Variants in METTL15 observed in about 807,000 individuals in gnomAD.
METTL15 encodes the protein methyltransferase 15, mitochondrial 12S rRNA N4-cytidine.
Under a neutral mutation model 38.3 loss-of-function variants are expected in METTL15, and 34 were observed. The observed-to-expected ratio is 0.89, with a 90% confidence interval of 0.68 to 1.18. The LOEUF (loss-of-function observed/expected upper bound fraction) is 1.18, where lower values mean the gene tolerates loss of function less well. Ranked by LOEUF, METTL15 falls within the 50% of genes most tolerant of loss-of-function variation. The pLI, the probability that METTL15 is intolerant of heterozygous loss-of-function variation, is 0.00. For synonymous variants in METTL15, 162 were observed against 170.9 expected (o/e 0.95, Z 0.41); for missense variants, 438 against 498.4 (o/e 0.88, Z 1.15).
intron 3 of METTL15, chr11:28,122,126 G>C: frequency 8.2e-7 from 1 of 1,216,258 alleles, no homozygotes; most frequent in Non-Finnish European, 1.1e-6. Context: ...ATCAAGTTTA[G>C]AAATTCCTCT....
At chr11:28,273,265 G>A (rs1855716625) in intron 4 of METTL15, among the ~76,000 whole-genome samples, 2 of 151,982 alleles carry the variant, frequency 1.3e-5, no homozygotes, top group Non-Finnish European at 2.9e-5. Flanking sequence ...TTGTATTTAG[G>A]ATATTATTTC....
chr11:28,369,855 T>A (rs991894586), intron 5 of METTL15, among the ~76,000 whole-genome samples: 2 of 152,128 alleles, frequency 1.3e-5, no homozygotes, highest in African/African-American at 4.8e-5. Flanking sequence ...TAAAGATCTC[T>A]GGTAAAGGTA....
downstream of METTL15, among the ~76,000 whole-genome samples, chr11:28,529,878 T>C (rs1021324413): frequency 6.6e-6 from 1 of 152,120 alleles, no homozygotes; most frequent in South Asian, 2.1e-4. Flanking sequence ...AATGTCCTCA[T>C]TGAACTTCTG....
chr11:28,455,215 G>A lies in METTL15; in HGVS notation c.*424+30851G>A, dbSNP rs531709051. On this transcript the variant is annotated intron_variant and NMD_transcript_variant, in intron 6 of 7. Coordinates refer to the METTL15 transcript ENST00000532947. Reference sequence around the variant, plus strand: ...ACTCAATAACACATGGGATCAGCTAGCTTTTTTTTTTTTTTTTTTTTTTTT... The same window carrying A: ...ACTCAATAACACATGGGATCAGCTAACTTTTTTTTTTTTTTTTTTTTTTTT... Among the ~76,000 whole-genome samples, 3 of 119,114 alleles carry A rather than the reference G, an allele frequency of 2.5e-5. No homozygotes were observed. In the South Asian group the frequency reaches 8.4e-4, roughly 33 times the overall value. The allele number at this position is 119,114 out of a possible 152,430, so 78.1% of individuals were successfully genotyped here. A position where few individuals can be genotyped will look rare whatever the true frequency, so the allele number is the denominator to read the frequency against.
intron 5 of METTL15, among the ~76,000 whole-genome samples, chr11:28,393,261 A>T (rs1026355167): frequency 6.6e-6 from 1 of 152,154 alleles, no homozygotes; most frequent in Admixed American, 6.6e-5. Context: ...AAGTTTCAAG[A>T]GGTGGAAGTA....
intron 6 of METTL15, among the ~76,000 whole-genome samples, chr11:28,311,570 G>T (rs1276105036): frequency 6.6e-6 from 1 of 152,162 alleles, no homozygotes; most frequent in East Asian, 1.9e-4. Flanking sequence ...ATGTGTTAAA[G>T]GAATCAATAG....
intron 6 of METTL15, among the ~76,000 whole-genome samples, chr11:28,438,970 C>T (rs1851008761): frequency 6.6e-6 from 1 of 151,626 alleles, no homozygotes; most frequent in Non-Finnish European, 1.5e-5. Flanking sequence ...AGCCACCGCG[C>T]CCAGCCAGAC....
At chr11:28,471,170 A>C (rs1851300227) in intron 6 of METTL15, among the ~76,000 whole-genome samples, 1 of 152,006 alleles carries the variant, frequency 6.6e-6, no homozygotes, top group African/African-American at 2.4e-5. Context: ...AACAGGTCAG[A>C]CTTGTTATAT....
chr11:28,318,086 C>G (rs1479411028), intron 6 of METTL15, among the ~76,000 whole-genome samples: 1 of 152,170 alleles, frequency 6.6e-6, no homozygotes, highest in Non-Finnish European at 1.5e-5. Flanking sequence ...AGCAGCAGAG[C>G]ATCTCCGCAT....
At chr11:28,192,835 T>C (rs1200145660) in intron 3 of METTL15, among the ~76,000 whole-genome samples, 1 of 152,110 alleles carries the variant, frequency 6.6e-6, no homozygotes, top group Non-Finnish European at 1.5e-5. Context: ...GTGCCAAGAT[T>C]GAGAAATCCC....
chr11:28,142,949 G>A (rs1849749449), intron 3 of METTL15, among the ~76,000 whole-genome samples: 1 of 152,058 alleles, frequency 6.6e-6, no homozygotes, highest in Non-Finnish European at 1.5e-5. Flanking sequence ...AGATAGAGTG[G>A]TAACAGTTTA....
intron 5 of METTL15, among the ~76,000 whole-genome samples, chr11:28,418,898 TC>T (rs2133419407): frequency 6.6e-6 from 1 of 152,244 alleles, no homozygotes; most frequent in South Asian, 2.1e-4. Flanking sequence ...AAATCACCCA[TC>T]CCAGTGGTCA....
chr11:28,308,076 A>G (rs1172567940), intron 6 of METTL15, among the ~76,000 whole-genome samples: 1 of 151,906 alleles, frequency 6.6e-6, no homozygotes, highest in Non-Finnish European at 1.5e-5. Context: ...TGATAGGTTT[A>G]TGATTATTTT....
intron 5 of METTL15, among the ~76,000 whole-genome samples, chr11:28,391,013 T>C (rs888675898): frequency 6.6e-6 from 1 of 152,204 alleles, no homozygotes; most frequent in Non-Finnish European, 1.5e-5. Context: ...AGTTCACTCA[T>C]GATTTGCCTC....
chr11:28,496,439 A>G (rs1851536325), intron 6 of METTL15, among the ~76,000 whole-genome samples: 1 of 152,234 alleles, frequency 6.6e-6, no homozygotes, highest in Non-Finnish European at 1.5e-5. Flanking sequence ...CAGACAAACC[A>G]TATCAATGAG....
intron 5 of METTL15, among the ~76,000 whole-genome samples, chr11:28,386,010 TG>T (rs745611757): frequency 5.9e-5 from 9 of 152,130 alleles, no homozygotes; most frequent in Non-Finnish European, 1.0e-4. Flanking sequence ...CTAGAGTTTT[TG>T]TATCTGATTG....
downstream of METTL15, among the ~76,000 whole-genome samples, chr11:28,336,437 T>G (rs912927332): frequency 2.0e-5 from 3 of 152,178 alleles, no homozygotes; most frequent in Non-Finnish European, 4.4e-5. Context: ...GATGGAAGAT[T>G]GTTGCAGGAC....
intron 4 of METTL15, among the ~76,000 whole-genome samples, chr11:28,279,866 T>C (rs1855985779): frequency 7.1e-6 from 1 of 140,476 alleles, no homozygotes; most frequent in Non-Finnish European, 1.5e-5. Context: ...GCCATTGCAC[T>C]CCAGCCTGGG....
intron 5 of METTL15, among the ~76,000 whole-genome samples, chr11:28,388,845 CA>C (rs1850469897): frequency 6.6e-6 from 1 of 152,002 alleles, no homozygotes; most frequent in African/African-American, 2.4e-5. Flanking sequence ...ACCCACCCCA[CA>C]ACAGGCCCCG....
Sources: gnomAD v4.1 joint callset for allele counts (sites outside exome capture counted in the v4.1 genomes callset) on GRCh38, gnomAD v4.1.1 for gene constraint, MANE v1.5 for transcripts, NCBI Gene and HGNC (gene_info 2026-07-23, HGNC 2026-07-21) for gene names.